SIPA1L2: variants seen among roughly 807,000 people sequenced by gnomAD.
The protein encoded by SIPA1L2 is signal-induced proliferation-associated 1-like protein 2.
Under a neutral mutation model 163.9 loss-of-function variants are expected in SIPA1L2, and 56 were observed. That is an observed-to-expected ratio of 0.34 (90% CI 0.28 to 0.43). The LOEUF (loss-of-function observed/expected upper bound fraction) is 0.43. SIPA1L2 is among the 20% of genes least tolerant of loss of function. SIPA1L2 has a pLI of 1.00. For missense variants in SIPA1L2, 1,974 were observed against 2,193.5 expected (o/e 0.90, Z 2.00); for synonymous variants, 877 against 865.7 (o/e 1.01, Z -0.23).
At chr1:232,617,887 T>C (rs920637188) in intron 1 of SIPA1L2, among the ~76,000 whole-genome samples, 6 of 152,176 alleles carry the variant, frequency 3.9e-5, no homozygotes, top group Admixed American at 2.6e-4. Flanking sequence ...ACAATATACA[T>C]GCCGAAGTGT....
chr1:232,441,445 A>G (rs937019104), intron 13 of SIPA1L2, 51 bp from the exon 14 acceptor site: 11 of 1,424,682 alleles, frequency 7.7e-6, no homozygotes, highest in Non-Finnish European at 9.7e-6. Context: ...GTATTACCAA[A>G]AGAGTAAAGA....
In SIPA1L2 at chr1:232,493,614, T is replaced by G; in HGVS notation, c.1530A>C (p.Ala510=). The change falls in exon 4 of 23, where the codon GCA becomes GCC. Residue 510 remains alanine, a synonymous_variant. Coordinates refer to ENST00000674635, the MANE Select transcript of SIPA1L2 (RefSeq NM_020808.5). ...CCACCTTCTCTCTCCGGATGCTGAC[T>G]GCTACTGGACCAAGGTTTTCATCTA... ...FGIDENLGPV[A]VSIRREKVED... The G allele has an allele frequency of 6.2e-7, 1 of 1,614,146 alleles. No individual in the cohort carries two copies. The highest frequency in any genetic ancestry group is 2.2e-5 in the East Asian group (1 of 44,858).
chr1:232,543,889 T>C (rs1460596988), intron 2 of SIPA1L2, among the ~76,000 whole-genome samples: 3 of 152,126 alleles, frequency 2.0e-5, no homozygotes, highest in African/African-American at 4.8e-5. Context: ...ATATAAAATA[T>C]AAAATGTTAA....
intron 2 of SIPA1L2, among the ~76,000 whole-genome samples, chr1:232,554,642 A>G (rs902887700): frequency 6.6e-5 from 10 of 152,206 alleles, no homozygotes; most frequent in Non-Finnish European, 1.0e-4. Context: ...TTATGCACAC[A>G]TATCTTGACA....
intron 19 of SIPA1L2, among the ~76,000 whole-genome samples, chr1:232,415,209 T>C (rs914647162): frequency 2.6e-5 from 4 of 152,170 alleles, no homozygotes; most frequent in Non-Finnish European, 5.9e-5. Context: ...ACTTTTCAGA[T>C]AGGAAACAGA....
In SIPA1L2 at chr1:232,443,594, A is replaced by C. The variant is rs373771209; in HGVS notation, c.3437+8T>G. 7.0e-6 allele frequency: 11 copies of C among 1,573,788 alleles called. No individual in the cohort carries two copies. The highest frequency in any genetic ancestry group is 2.4e-5 in the South Asian group (2 of 84,896). On this transcript the variant is annotated splice_region_variant and intron_variant, in intron 12 of 22. Transcript: ENST00000674635. ...CCAGTGGATAACTAAGATAAAAATGAACAGTACCCGTCGTAGCCCACTTGT... is the reference window on the plus strand; with the variant it reads ...CCAGTGGATAACTAAGATAAAAATGCACAGTACCCGTCGTAGCCCACTTGT...
rs1369052505 is a variant in SIPA1L2 at position 232,441,885 on chromosome 1, G to A, written c.3438-17C>T. On this transcript the variant is annotated splice_polypyrimidine_tract_variant and intron_variant, in intron 12 of 22. Coordinates refer to ENST00000674635, the MANE Select transcript of SIPA1L2 (RefSeq NM_020808.5). ...GACTGGCACCTGAAAAGAACACAGA[G>A]TTGAGCCTGTCCTTTCTCAACCGTG... The A allele has an allele frequency of 1.2e-6, 2 of 1,601,384 alleles. No individual in the cohort carries two copies. The highest frequency in any genetic ancestry group is 1.7e-6 in the Non-Finnish European group (2 of 1,171,764).
intron 1 of SIPA1L2, among the ~76,000 whole-genome samples, chr1:232,584,614 T>A (rs973674907): frequency 1.3e-5 from 2 of 152,274 alleles, no homozygotes; most frequent in African/African-American, 4.8e-5. Flanking sequence ...CAAATTTGTA[T>A]GCCTTTCCTC....
At chr1:232,463,548 T>C (rs931096793) in intron 9 of SIPA1L2, among the ~76,000 whole-genome samples, 1 of 152,216 alleles carries the variant, frequency 6.6e-6, no homozygotes, top group Non-Finnish European at 1.5e-5. Flanking sequence ...GAAAATAGGA[T>C]GGAGTCCATC....
intron 1 of SIPA1L2, among the ~76,000 whole-genome samples, chr1:232,623,835 G>T (rs988047691): frequency 6.6e-6 from 1 of 151,712 alleles, no homozygotes; most frequent in African/African-American, 2.4e-5. Context: ...TTTGTCTTCC[G>T]CTTGCCTCAC....
intron 2 of SIPA1L2, among the ~76,000 whole-genome samples, chr1:232,530,633 GA>G (rs1258265401): frequency 6.6e-6 from 1 of 152,004 alleles, no homozygotes; most frequent in Admixed American, 6.5e-5. Flanking sequence ...TCCCAAATCT[GA>G]CTACACATTT....
At chr1:232,606,539 A>G (rs1363348234) in intron 1 of SIPA1L2, among the ~76,000 whole-genome samples, 1 of 151,700 alleles carries the variant, frequency 6.6e-6, no homozygotes, top group African/African-American at 2.4e-5. Context: ...TGTCAAGGAG[A>G]GGTACTTGTG....
intron 2 of SIPA1L2, among the ~76,000 whole-genome samples, chr1:232,530,608 G>T (rs1475660281): frequency 6.6e-6 from 1 of 152,060 alleles, no homozygotes; most frequent in Non-Finnish European, 1.5e-5. Flanking sequence ...GTTTGGGGTT[G>T]TTTTGCCCAG....
intron 16 of SIPA1L2, among the ~76,000 whole-genome samples, chr1:232,431,611 G>A (rs933534078): frequency 3.9e-5 from 6 of 152,176 alleles, no homozygotes; most frequent in Non-Finnish European, 5.9e-5. Flanking sequence ...GCTTCTTTAC[G>A]AAATAAGCAA....
chr1:232,496,114 C>T (rs114049054), intron 3 of SIPA1L2, among the ~76,000 whole-genome samples: 1,749 of 152,328 alleles, frequency 0.011, 38 homozygotes, highest in African/African-American at 0.039. Context: ...CACTGACTCA[C>T]GCAGAGCGGA....
chr1:232,471,620 T>C, intron 7 of SIPA1L2, 92 bp from the exon 8 acceptor site: 1 of 1,188,506 alleles, frequency 8.4e-7, no homozygotes, highest in Middle Eastern at 2.8e-4. Flanking sequence ...GAAGGAGTGA[T>C]TTTTAAAAAG....
At chr1:232,594,758 G>C (rs1358333290) in intron 1 of SIPA1L2, among the ~76,000 whole-genome samples, 1 of 151,858 alleles carries the variant, frequency 6.6e-6, no homozygotes, top group African/African-American at 2.4e-5. Flanking sequence ...CTTATTCTTA[G>C]ATCTAATCAG....
intron 1 of SIPA1L2, among the ~76,000 whole-genome samples, chr1:232,588,709 T>C (rs1025721869): frequency 2.0e-5 from 3 of 152,210 alleles, no homozygotes; most frequent in Non-Finnish European, 4.4e-5. Context: ...TTTGGTTGGA[T>C]GGCAACCACA....
chr1:232,509,427 G>GA (rs994677145), intron 3 of SIPA1L2, among the ~76,000 whole-genome samples: 130 of 152,274 alleles, frequency 8.5e-4, no homozygotes, highest in African/African-American at 2.9e-3. Context: ...GGAAAGTATT[G>GA]AAAGATAGAT....
Sources: allele counts gnomAD v4.1 joint callset (sites outside exome capture counted in the v4.1 genomes callset), GRCh38; gene constraint gnomAD v4.1.1; transcripts MANE v1.5; gene names NCBI Gene and HGNC (gene_info 2026-07-23, HGNC 2026-07-21).